Variants in TMEM213 observed in about 807,000 individuals in gnomAD.
TMEM213 encodes the protein transmembrane protein 213.
TMEM213 carries 7 observed loss-of-function variants against 11.6 expected under a neutral mutation model. The observed-to-expected ratio is 0.60, with a 90% CI of 0.34 to 1.13. The LOEUF (loss-of-function observed/expected upper bound fraction) is 1.13. Among genes scored for constraint, TMEM213 ranks in the 50% most tolerant of loss-of-function variants. The pLI, the probability that TMEM213 is intolerant of heterozygous loss-of-function variation, is 0.03. For synonymous variants in TMEM213, 60 were observed against 58.3 expected, an observed-to-expected ratio of 1.03 and a Z score of -0.13; for missense variants, 129 against 139.0, an observed-to-expected ratio of 0.93 and a Z score of 0.36.
intron 1 of TMEM213, among the ~76,000 whole-genome samples, chr7:138,800,395 C>T (rs1163113161): frequency 6.6e-6 from 1 of 152,198 alleles, no homozygotes; most frequent in Admixed American, 6.5e-5. Context: ...CCCAATCCCA[C>T]ACCTCAAGAC....
Position 138,801,339 on chromosome 7 carries a change from G to A in TMEM213, c.95G>A (p.Ser32Asn). Reference sequence around the variant, plus strand: ...TCTTTTCTTCCAGAAGCAAGCAGCAGCAACAGCTCAAGCTTGACCGCTCAC... The same window carrying A: ...TCTTTTCTTCCAGAAGCAAGCAGCAACAACAGCTCAAGCTTGACCGCTCAC... The part of the protein sequence containing the change: ...HSACSAEASS[S>N]NSSSLTAHHP... Residue 32 changes from serine (S) to asparagine (N), a missense_variant, in exon 2 of 3, where the codon AGC becomes AAC. Physicochemically the swap from Ser to Asn is conservative, Grantham distance 46. Coordinates refer to ENST00000442682, the MANE Select transcript of TMEM213 (RefSeq NM_001085429.2). 6.2e-7 allele frequency: 1 copy of A among 1,612,220 alleles called. No homozygotes were observed.
At chr7:138,799,996 CT>C (rs113369943) in intron 1 of TMEM213, among the ~76,000 whole-genome samples, 267 of 146,322 alleles carry the variant, frequency 1.8e-3, no homozygotes, top group Middle Eastern at 3.6e-3. Flanking sequence ...ATGCCCACCA[CT>C]TTTTTTTTTT....
At chr7:138,799,281 C>T (rs1468987947) in intron 1 of TMEM213, 1 of 152,190 alleles carries the variant, frequency 6.6e-6, no homozygotes. Flanking sequence ...TTCACCCCTC[C>T]CCAAATAAGA....
At chr7:138,800,947 C>T (rs1221633891) in intron 1 of TMEM213, among the ~76,000 whole-genome samples, 1 of 152,114 alleles carries the variant, frequency 6.6e-6, no homozygotes, top group Non-Finnish European at 1.5e-5. Flanking sequence ...GATCTGCCCA[C>T]CTCGGCCTCC....
rs1184653003 is a variant in TMEM213, at chr7:138,804,511, T to A, written c.*1442T>A. 6.6e-6 allele frequency: 1 copy of A among 152,302 alleles called. No individual in the cohort carries two copies. Among genetic ancestry groups the A allele is most frequent in the Non-Finnish European group, 1.5e-5 (1 of 68,092 alleles). 9.4% of individuals were successfully genotyped at this position (152,302 alleles called of 1,614,324 possible). A position where few individuals can be genotyped will look rare whatever the true frequency, so the allele number is the denominator to read the frequency against. ...GGAGCTGGTGCTGTTAGAGCACTTC[T>A]GCTCTGCCCTGATGTGCAGTTGTTG... On this transcript the variant is annotated 3_prime_UTR_variant, in exon 3 of 3. Transcript: ENST00000442682.
At chr7:138,801,078 C>G (rs918785053) in intron 1 of TMEM213, among the ~76,000 whole-genome samples, 1 of 152,056 alleles carries the variant, frequency 6.6e-6, no homozygotes, top group African/African-American at 2.4e-5. Context: ...ACTGCCTCTT[C>G]GAATGTCCCA....
chr7:138,799,766 A>T (rs1408387723), intron 1 of TMEM213, among the ~76,000 whole-genome samples: 1 of 152,228 alleles, frequency 6.6e-6, no homozygotes, highest in Non-Finnish European at 1.5e-5. Flanking sequence ...TAAGCCATTT[A>T]GCTGTAAATA....
Position 138,798,115 on chromosome 7 carries a change from TC to T in TMEM213, c.15del (p.Ala6LeufsTer7). On this transcript the variant is annotated frameshift_variant, in exon 1 of 3. Transcript: ENST00000442682. LOFTEE classifies it high-confidence loss of function. MQR[L>X]PAATRATLIL... ...AGCACAGCCTCCAGCATGCAGCGCCTCCCCGCTGCCACCCGGGCCACCCTGA... is the reference window on the plus strand; with the variant it reads ...AGCACAGCCTCCAGCATGCAGCGCCTCCCGCTGCCACCCGGGCCACCCTGA... 1 of 1,598,730 alleles carries T rather than the reference TC, an allele frequency of 6.3e-7. No individual in the cohort carries two copies. Among genetic ancestry groups the T allele is most frequent in the Non-Finnish European group, 8.5e-7 (1 of 1,173,382 alleles).
intron 2 of TMEM213, 161 bp downstream of exon 2, chr7:138,801,559 A>T: frequency 4.6e-6 from 3 of 657,874 alleles, no homozygotes; most frequent in Non-Finnish European, 7.8e-6. Context: ...TTTGCAGAGC[A>T]GGTCTGAAAG....
At position 138,803,751 on chromosome 7, in the gene TMEM213, C is replaced by G. The variant is rs540009105; in HGVS notation, c.*682C>G. 2.9e-5 allele frequency: 4 copies of G among 136,324 alleles called. No individual in the cohort carries two copies. The highest frequency in any genetic ancestry group is 4.6e-5 in the Non-Finnish European group (3 of 65,494). The allele number at this position is 136,324 out of a possible 1,614,324, so 8.4% of individuals were successfully genotyped here. Reference sequence around the variant, plus strand: ...CAAGATCATGCCACTGCACTCCAGCCTGGGCGGCAGAGCAAGACTCTGTAT... The same window carrying G: ...CAAGATCATGCCACTGCACTCCAGCGTGGGCGGCAGAGCAAGACTCTGTAT... On this transcript the variant is annotated 3_prime_UTR_variant, in exon 3 of 3. Coordinates refer to ENST00000442682, the MANE Select transcript of TMEM213 (RefSeq NM_001085429.2).
intron 2 of TMEM213, among the ~76,000 whole-genome samples, chr7:138,802,543 T>A (rs1280020766): frequency 2.8e-5 from 4 of 142,642 alleles, no homozygotes; most frequent in Admixed American, 7.0e-5. Context: ...AGAGTGAGAC[T>A]CTGTCTCAAA....
rs1563032292 is a variant in TMEM213 at position 138,805,041 on chromosome 7, A to G, written c.*1972A>G. On this transcript the variant is annotated 3_prime_UTR_variant, in exon 3 of 3. Coordinates refer to ENST00000442682, the MANE Select transcript of TMEM213 (RefSeq NM_001085429.2). ...AGTGGCTCTTTCAGAAAATCTAAGT[A>G]AAGTTCCCTGACAACAGAAACTGAA... The G allele has an allele frequency of 6.6e-6, 1 of 152,198 alleles. No homozygotes were observed. The highest frequency in any genetic ancestry group is 1.5e-5 in the Non-Finnish European group (1 of 68,028). 9.4% of individuals were successfully genotyped at this position (152,198 alleles called of 1,614,324 possible).
chr7:138,801,384 T>C lies in TMEM213; in HGVS notation c.140T>C (p.Leu47Pro). Residue 47 changes from leucine to proline, a missense_variant, in exon 2 of 3, where the codon CTG becomes CCG. By Grantham distance (98) the Leu-to-Pro change is moderately conservative. Coordinates refer to ENST00000442682, the MANE Select transcript of TMEM213 (RefSeq NM_001085429.2). Reference protein sequence around the residue: ...LTAHHPDPGTLEQCLNVDFCP... With the variant: ...LTAHHPDPGTPEQCLNVDFCP... ...GCTCACCACCCAGACCCTGGGACCCTGGAGCAGTGCCTCAGTAAGCTTCTC... is the reference window on the plus strand; with the variant it reads ...GCTCACCACCCAGACCCTGGGACCCCGGAGCAGTGCCTCAGTAAGCTTCTC... 1.1e-5 allele frequency: 18 copies of C among 1,609,914 alleles called. No homozygotes were observed. The highest frequency in any genetic ancestry group is 1.4e-5 in the Non-Finnish European group (17 of 1,178,232).
chr7:138,799,530 C>T (rs1270696845), intron 1 of TMEM213: 1 of 152,140 alleles, frequency 6.6e-6, no homozygotes, highest in Non-Finnish European at 1.5e-5. Flanking sequence ...CAGAAAATTG[C>T]TGATATTGAA....
In TMEM213 at chr7:138,802,780, G is replaced by A. The variant is rs950283113; in HGVS notation, c.155-120G>A. On this transcript the variant is annotated intron_variant, in intron 2 of 2. Coordinates refer to ENST00000442682, the MANE Select transcript of TMEM213 (RefSeq NM_001085429.2). ...AAGCACGCAGCACAGTGCATGGCACGTAGTAGGCCTCATCAGTGTCAGCTA... is the reference window on the plus strand; with the variant it reads ...AAGCACGCAGCACAGTGCATGGCACATAGTAGGCCTCATCAGTGTCAGCTA... 39 of 1,053,710 alleles carry A rather than the reference G, an allele frequency of 3.7e-5. No homozygotes were observed. In the East Asian group the frequency reaches 8.4e-4, roughly 23 times the overall value. 65.3% of individuals were successfully genotyped at this position (1,053,710 alleles called of 1,614,324 possible). A position where few individuals can be genotyped will look rare whatever the true frequency, so the allele number is the denominator to read the frequency against.
intron 1 of TMEM213, among the ~76,000 whole-genome samples, chr7:138,800,727 A>T: frequency 7.7e-6 from 1 of 129,436 alleles, no homozygotes; most frequent in African/African-American, 3.0e-5. Flanking sequence ...TTTTAGACGG[A>T]GTTTCACTCG....
chr7:138,805,290 G>A lies in TMEM213; in HGVS notation c.*2221G>A, dbSNP rs1271461406. 1.3e-5 allele frequency: 2 copies of A among 151,662 alleles called. No homozygotes were observed. The highest frequency in any genetic ancestry group is 1.9e-4 in the East Asian group (1 of 5,178). 9.4% of individuals were successfully genotyped at this position (151,662 alleles called of 1,614,324 possible). A position where few individuals can be genotyped will look rare whatever the true frequency, so the allele number is the denominator to read the frequency against. On this transcript the variant is annotated 3_prime_UTR_variant, in exon 3 of 3. Transcript: ENST00000442682. ...CACACTGATAGTCCCAGCTACTCAGGAGGCTGAGGGAGGCGGATCACTTGA... is the reference window on the plus strand; with the variant it reads ...CACACTGATAGTCCCAGCTACTCAGAAGGCTGAGGGAGGCGGATCACTTGA...
At chr7:138,801,517 C>T (rs941990728) in intron 2 of TMEM213, 119 bp downstream of exon 2, 1 of 942,732 alleles carries the variant, frequency 1.1e-6, no homozygotes. Flanking sequence ...GCCTGGCCTT[C>T]CTGTGCACCA....
chr7:138,798,538 T>C (rs2130256811), intron 1 of TMEM213, among the ~76,000 whole-genome samples: 1 of 152,300 alleles, frequency 6.6e-6, no homozygotes, highest in East Asian at 1.9e-4. Flanking sequence ...CGCTGTGTCC[T>C]GAAGGCTCCT....
Sources: gnomAD v4.1 joint callset for allele counts (sites outside exome capture counted in the v4.1 genomes callset) on GRCh38, gnomAD v4.1.1 for gene constraint, MANE v1.5 for transcripts, NCBI Gene and HGNC (gene_info 2026-07-23, HGNC 2026-07-21) for gene names.